CYRIA: variants seen among roughly 807,000 people sequenced by gnomAD.
CYRIA encodes the protein CYFIP related Rac1 interactor A.
CYRIA carries 15 observed loss-of-function variants against 43.9 expected under a neutral mutation model. That is an observed-to-expected ratio of 0.34 (90% CI 0.23 to 0.53). CYRIA has a LOEUF of 0.53. Among genes scored for constraint, CYRIA ranks in the 20% least tolerant of loss-of-function variants. The pLI is 0.94. For missense variants in CYRIA, 236 were observed against 394.2 expected, an observed-to-expected ratio of 0.60 and a Z score of 3.40; for synonymous variants, 117 against 136.0, an observed-to-expected ratio of 0.86 and a Z score of 0.97.
At chr2:16,663,987 C>G (rs980109590) in intron 1 of CYRIA, among the ~76,000 whole-genome samples, 8 of 152,120 alleles carry the variant, frequency 5.3e-5, no homozygotes, top group Non-Finnish European at 1.0e-4. Flanking sequence ...ATCAATGTGA[C>G]CTTAGGGAAA....
intron 1 of CYRIA, among the ~76,000 whole-genome samples, chr2:16,632,214 A>T (rs1247857210): frequency 6.6e-6 from 1 of 152,212 alleles, no homozygotes; most frequent in Admixed American, 6.5e-5. Flanking sequence ...GGGACTCTCA[A>T]TGCCTGGAAG....
intron 1 of CYRIA, among the ~76,000 whole-genome samples, chr2:16,632,456 C>T (rs1669354170): frequency 6.7e-6 from 1 of 148,926 alleles, no homozygotes. Flanking sequence ...GGAGTCATTA[C>T]ACACTCATGA....
rs1170905022 is a variant in CYRIA at position 16,552,100 on chromosome 2, T to G, written c.*836A>C. On this transcript the variant is annotated 3_prime_UTR_variant, in exon 12 of 12. Coordinates refer to ENST00000381323, the MANE Select transcript of CYRIA (RefSeq NM_030797.4). ...ACTCTGCAGGTAACTGGAAGGTTGC[T>G]AAACTCACAAATAACTTCAAAGCCA... The G allele has an allele frequency of 6.6e-6, 1 of 152,132 alleles. No homozygotes were observed. The highest frequency in any genetic ancestry group is 2.4e-5 in the African/African-American group (1 of 41,414). 9.4% of individuals were successfully genotyped at this position (152,132 alleles called of 1,614,324 possible).
chr2:16,583,007 A>T (rs747118600), intron 3 of CYRIA, among the ~76,000 whole-genome samples: 1 of 152,124 alleles, frequency 6.6e-6, no homozygotes, highest in Non-Finnish European at 1.5e-5. Flanking sequence ...TTTTTTTCAC[A>T]TCCTCACTAA....
intron 1 of CYRIA, among the ~76,000 whole-genome samples, chr2:16,641,768 A>T (rs1669684192): frequency 6.6e-6 from 1 of 152,244 alleles, no homozygotes; most frequent in African/African-American, 2.4e-5. Flanking sequence ...TAAGCAGATC[A>T]TGCCATGATG....
chr2:16,651,437 G>T (rs557646122), intron 1 of CYRIA, among the ~76,000 whole-genome samples: 2 of 152,296 alleles, frequency 1.3e-5, no homozygotes, highest in East Asian at 3.9e-4. Context: ...TCTGACAGCT[G>T]GAAAAAATCC....
At chr2:16,631,304 G>A (rs1472761273) in intron 1 of CYRIA, among the ~76,000 whole-genome samples, 2 of 152,244 alleles carry the variant, frequency 1.3e-5, no homozygotes, top group African/African-American at 4.8e-5. Context: ...ATGAGAAGAG[G>A]TGATGGTTGA....
At chr2:16,653,845 T>C (rs1670033546) in intron 1 of CYRIA, among the ~76,000 whole-genome samples, 1 of 152,242 alleles carries the variant, frequency 6.6e-6, no homozygotes, top group South Asian at 2.1e-4. Context: ...TGTGTGATCC[T>C]GCGTAAATCA....
chr2:16,564,575 C>T (rs558087535), intron 4 of CYRIA, among the ~76,000 whole-genome samples: 13 of 152,142 alleles, frequency 8.5e-5, no homozygotes, highest in South Asian at 4.1e-4. Context: ...TTAGAAACTC[C>T]GCCTTGTCTG....
intron 2 of CYRIA, among the ~76,000 whole-genome samples, chr2:16,608,816 T>C (rs894192789): frequency 2.0e-5 from 3 of 152,224 alleles, no homozygotes; most frequent in South Asian, 2.1e-4. Flanking sequence ...CAATAAATCC[T>C]GCACTGTTGC....
At chr2:16,558,099 C>T (rs956532646) in intron 10 of CYRIA, among the ~76,000 whole-genome samples, 2 of 152,062 alleles carry the variant, frequency 1.3e-5, no homozygotes, top group African/African-American at 2.4e-5. Context: ...AGCATCTATA[C>T]TAAAAGAAGG....
chr2:16,664,225 C>A (rs1346278513), intron 1 of CYRIA, among the ~76,000 whole-genome samples: 1 of 152,178 alleles, frequency 6.6e-6, no homozygotes, highest in Non-Finnish European at 1.5e-5. Flanking sequence ...GGAATGTGGG[C>A]AGGTCTGTTT....
chr2:16,573,207 T>A (rs1157581067), intron 3 of CYRIA, among the ~76,000 whole-genome samples: 1 of 152,204 alleles, frequency 6.6e-6, no homozygotes, highest in East Asian at 1.9e-4. Flanking sequence ...AGACACAGAA[T>A]AATATAAGCA....
intron 1 of CYRIA, among the ~76,000 whole-genome samples, chr2:16,646,470 G>A (rs778901872): frequency 6.6e-6 from 1 of 152,208 alleles, no homozygotes; most frequent in Non-Finnish European, 1.5e-5. Flanking sequence ...TAGAGAAGCT[G>A]ATCAGTGCAA....
intron 10 of CYRIA, among the ~76,000 whole-genome samples, chr2:16,557,053 C>T (rs1364086314): frequency 6.6e-6 from 1 of 152,104 alleles, no homozygotes; most frequent in African/African-American, 2.4e-5. Flanking sequence ...GAGATGGAGA[C>T]AGGGGTTAAG....
chr2:16,607,725 C>A (rs1376976443), intron 2 of CYRIA, among the ~76,000 whole-genome samples: 1 of 152,032 alleles, frequency 6.6e-6, no homozygotes, highest in African/African-American at 2.4e-5. Flanking sequence ...GCCTCCCAAG[C>A]AGGTGGGATT....
chr2:16,651,864 C>A (rs1432101927), intron 1 of CYRIA, among the ~76,000 whole-genome samples: 3 of 151,938 alleles, frequency 2.0e-5, no homozygotes, highest in Non-Finnish European at 2.9e-5. Context: ...ATGTCAAGTA[C>A]CTTCAGATAA....
At chr2:16,565,106 T>C (rs1344157982) in intron 4 of CYRIA, among the ~76,000 whole-genome samples, 1 of 152,076 alleles carries the variant, frequency 6.6e-6, no homozygotes, top group Non-Finnish European at 1.5e-5. Flanking sequence ...GAGAAGAGAA[T>C]GGGTAATATT....
intron 9 of CYRIA, among the ~76,000 whole-genome samples, chr2:16,560,408 G>A (rs559612264): frequency 3.3e-5 from 5 of 152,228 alleles, no homozygotes; most frequent in South Asian, 4.1e-4. Context: ...TGAGGAACCC[G>A]AGGCTCAGGA....
Sources: allele counts gnomAD v4.1 joint callset (sites outside exome capture counted in the v4.1 genomes callset), GRCh38; gene constraint gnomAD v4.1.1; transcripts MANE v1.5; gene names NCBI Gene and HGNC (gene_info 2026-07-23, HGNC 2026-07-21).